Variants in PLD5 observed in about 807,000 individuals in gnomAD.
The protein encoded by PLD5 is phospholipase D family member 5.
PLD5 carries 36 observed loss-of-function variants against 61.1 expected under a neutral mutation model. That is an observed-to-expected ratio of 0.59 (90% confidence interval 0.45 to 0.78). The LOEUF (loss-of-function observed/expected upper bound fraction) is 0.78. Among genes scored for constraint, PLD5 ranks in the 30% least tolerant of loss-of-function variants. The pLI is 0.00. For missense variants in PLD5, 515 were observed against 644.4 expected, an observed-to-expected ratio of 0.80 and a Z score of 2.17; for synonymous variants, 243 against 242.8, an observed-to-expected ratio of 1.00 and a Z score of -0.01.
intron 5 of PLD5, among the ~76,000 whole-genome samples, chr1:242,169,129 G>A (rs1302490249): frequency 6.6e-6 from 1 of 151,670 alleles, no homozygotes; most frequent in African/African-American, 2.4e-5. Context: ...CCCAAAACAT[G>A]AAAAAAGGGT....
At chr1:242,188,566 C>T (rs1668052024) in intron 5 of PLD5, 1 of 151,992 alleles carries the variant, frequency 6.6e-6, no homozygotes, top group Admixed American at 6.5e-5. Flanking sequence ...AGGAGGACTC[C>T]TGTACACTGT....
At chr1:242,521,670 T>TTAATTATTAATTTATTTTTTCAACATC (rs1553272524) in intron 1 of PLD5, among the ~76,000 whole-genome samples, 1 of 152,180 alleles carries the variant, frequency 6.6e-6, no homozygotes, top group Non-Finnish European at 1.5e-5. Context: ...TCCATTTGAT[T>TTAATTATTAATTTATTTTTTCAACATC]AGACAGACCA....
intron 5 of PLD5, among the ~76,000 whole-genome samples, chr1:242,167,780 C>T (rs996017629): frequency 6.6e-6 from 1 of 152,134 alleles, no homozygotes; most frequent in African/African-American, 2.4e-5. Context: ...GGATTGCCTA[C>T]GTGAAAACAA....
chr1:242,135,815 A>C (rs557439815), intron 5 of PLD5, among the ~76,000 whole-genome samples: 3 of 152,282 alleles, frequency 2.0e-5, no homozygotes, highest in Non-Finnish European at 4.4e-5. Context: ...TTTGGCCCAA[A>C]GATTAAGTAC....
intron 5 of PLD5, among the ~76,000 whole-genome samples, chr1:242,174,306 C>T (rs1666970550): frequency 6.6e-6 from 1 of 152,226 alleles, no homozygotes; most frequent in Non-Finnish European, 1.5e-5. Context: ...AAATGCTCAT[C>T]ATCACTGGCC....
intron 4 of PLD5, among the ~76,000 whole-genome samples, chr1:242,236,966 T>A (rs930805929): frequency 3.3e-5 from 5 of 152,152 alleles, no homozygotes; most frequent in Admixed American, 6.5e-5. Flanking sequence ...AATTCCCCAA[T>A]TAAAAATAAA....
At chr1:242,485,155 A>G (rs1283541839) in intron 1 of PLD5, among the ~76,000 whole-genome samples, 1 of 152,222 alleles carries the variant, frequency 6.6e-6, no homozygotes, top group East Asian at 1.9e-4. Flanking sequence ...GGCACAAGAC[A>G]GGGATGCCCT....
At chr1:242,494,934 T>G (rs1439829084) in intron 1 of PLD5, among the ~76,000 whole-genome samples, 2 of 149,484 alleles carry the variant, frequency 1.3e-5, no homozygotes, top group Non-Finnish European at 3.0e-5. Context: ...CTTACTAATG[T>G]CCTGCAGTTG....
chr1:242,400,471 T>C (rs1663868894), intron 1 of PLD5, among the ~76,000 whole-genome samples: 1 of 152,068 alleles, frequency 6.6e-6, no homozygotes, highest in African/African-American at 2.4e-5. Flanking sequence ...AAAGAGTAAA[T>C]GCATAGTCTC....
At chr1:242,487,342 T>C (rs1008144376) in intron 1 of PLD5, among the ~76,000 whole-genome samples, 6 of 151,972 alleles carry the variant, frequency 3.9e-5, no homozygotes, top group East Asian at 3.9e-4. Flanking sequence ...AAAAAACAAA[T>C]ATAAAGGAGG....
At chr1:242,362,665 CT>C (rs1387784627) in intron 1 of PLD5, among the ~76,000 whole-genome samples, 5 of 152,078 alleles carry the variant, frequency 3.3e-5, no homozygotes, top group Non-Finnish European at 7.4e-5. Flanking sequence ...TGACTACACT[CT>C]GGAATCATAT....
At chr1:242,457,297 T>G (rs1166262285) in intron 1 of PLD5, among the ~76,000 whole-genome samples, 1 of 152,154 alleles carries the variant, frequency 6.6e-6, no homozygotes, top group Non-Finnish European at 1.5e-5. Flanking sequence ...TTACAATTAC[T>G]TAAACAAAAA....
intron 5 of PLD5, among the ~76,000 whole-genome samples, chr1:242,143,972 C>T (rs539552419): frequency 3.9e-5 from 6 of 151,956 alleles, no homozygotes; most frequent in Admixed American, 2.0e-4. Context: ...TCTCAAGTAG[C>T]GATTCTCATG....
intron 4 of PLD5, among the ~76,000 whole-genome samples, chr1:242,231,515 G>A (rs1398530778): frequency 6.6e-6 from 1 of 152,174 alleles, no homozygotes; most frequent in Non-Finnish European, 1.5e-5. Flanking sequence ...GTGATTCTGA[G>A]ATGACAAACC....
chr1:242,302,980 C>A (rs1360436709), intron 2 of PLD5, among the ~76,000 whole-genome samples: 3 of 152,098 alleles, frequency 2.0e-5, no homozygotes, highest in Non-Finnish European at 4.4e-5. Flanking sequence ...ATATGAAATT[C>A]TCCTGGATAT....
At chr1:242,345,869 T>C (rs892131105) in intron 2 of PLD5, among the ~76,000 whole-genome samples, 1 of 151,432 alleles carries the variant, frequency 6.6e-6, no homozygotes, top group Non-Finnish European at 1.5e-5. Context: ...GGGGTGAAGT[T>C]AGGGGAAGCA....
intron 1 of PLD5, among the ~76,000 whole-genome samples, chr1:242,412,048 A>G (rs993479392): frequency 2.0e-5 from 3 of 152,186 alleles, no homozygotes; most frequent in Non-Finnish European, 2.9e-5. Context: ...TGAGCATTTG[A>G]AGAAAAAGGG....
chr1:242,253,817 T>C (rs1672857850), intron 4 of PLD5, among the ~76,000 whole-genome samples: 1 of 152,230 alleles, frequency 6.6e-6, no homozygotes, highest in South Asian at 2.1e-4. Flanking sequence ...CAAGATTCTA[T>C]GTTTTAGAGC....
intron 5 of PLD5, among the ~76,000 whole-genome samples, chr1:242,211,526 A>G (rs1017783005): frequency 2.0e-5 from 3 of 152,186 alleles, no homozygotes; most frequent in Non-Finnish European, 2.9e-5. Flanking sequence ...AACTAAATAC[A>G]AGCATTGCCA....
Sources: gnomAD v4.1 joint callset for allele counts (sites outside exome capture counted in the v4.1 genomes callset) on GRCh38, gnomAD v4.1.1 for gene constraint, MANE v1.5 for transcripts, NCBI Gene and HGNC (gene_info 2026-07-23, HGNC 2026-07-21) for gene names.